The following PAFAH1B1 variants were observed in gnomAD, a reference collection of about 807,000 sequenced individuals.
PAFAH1B1 encodes the protein platelet activating factor acetylhydrolase 1b regulatory subunit 1.
In PAFAH1B1, 2 loss-of-function variants were observed where a neutral mutation model predicts 57.5. That is an observed-to-expected ratio of 0.03 (90% CI 0.01 to 0.11). PAFAH1B1 has a LOEUF of 0.11. Among genes scored for constraint, PAFAH1B1 ranks in the 10% least tolerant of loss-of-function variants. The pLI is 1.00. For synonymous variants in PAFAH1B1, 152 were observed against 169.6 expected (o/e 0.90, Z 0.81); for missense variants, 257 against 512.0 (o/e 0.50, Z 4.81).
Position 2,603,886 on chromosome 17 carries a change from C to T in PAFAH1B1, c.-191+9880C>T, listed in dbSNP as rs562759613. Among the ~76,000 whole-genome samples the T allele has an allele frequency of 6.7e-5, 10 of 149,838 alleles. No individual in the cohort carries two copies. In the South Asian group the frequency reaches 8.5e-4, roughly 13 times the overall value. ...CTGAGTAGCTGGGATTACAGGCATG[C>T]GCAACCACGCGCGGCTAATTTTTGT... On this transcript the variant is annotated intron_variant, in intron 1 of 10. Transcript: ENST00000397195.
intron 2 of PAFAH1B1, chr17:2,640,823 T>C (rs2068686155): frequency 6.6e-6 from 1 of 152,218 alleles, no homozygotes; most frequent in African/African-American, 2.4e-5. Context: ...GAGTTGGATT[T>C]AGAGAGACAT....
rs75472729 is a variant in PAFAH1B1 at position 2,685,096 on chromosome 17, G to T, written c.*3294G>T. ...AGTCCAGTGTGTTCATCTAGATGAC[G>T]CAAAGAATCTCCTGGTAGAGAAGCG... On this transcript the variant is annotated 3_prime_UTR_variant, in exon 11 of 11. Transcript: ENST00000397195. 1 of 147,938 alleles carries T rather than the reference G, an allele frequency of 6.8e-6. No individual in the cohort carries two copies. The highest frequency in any genetic ancestry group is 2.5e-5 in the African/African-American group (1 of 39,950). The allele number at this position is 147,938 out of a possible 1,614,324, so 9.2% of individuals were successfully genotyped here.
upstream of PAFAH1B1, chr17:2,593,625 C>T (rs1567518887): frequency 4.5e-6 from 1 of 220,326 alleles, no homozygotes. Flanking sequence ...GGCGCGGTGA[C>T]GTCAGGGCGT....
At chr17:2,601,216 C>A (rs764524451) in intron 1 of PAFAH1B1, among the ~76,000 whole-genome samples, 1 of 151,962 alleles carries the variant, frequency 6.6e-6, no homozygotes, top group African/African-American at 2.4e-5. Context: ...CTCACTGCAG[C>A]CTCCGCCTTT....
At chr17:2,601,752 A>G (rs552470363) in intron 1 of PAFAH1B1, among the ~76,000 whole-genome samples, 4 of 151,206 alleles carry the variant, frequency 2.6e-5, no homozygotes, top group Admixed American at 2.0e-4. Flanking sequence ...TAATTTTTCT[A>G]TTTTCTGTAA....
intron 2 of PAFAH1B1, among the ~76,000 whole-genome samples, chr17:2,664,665 G>GCGCGCGCTCTCTCT: frequency 2.7e-4 from 23 of 86,022 alleles, no homozygotes; most frequent in Non-Finnish European, 4.2e-4. Context: ...TCTATCTATC[G>GCGCGCGCTCTCTCT]CTCTCTCTCT....
intron 1 of PAFAH1B1, among the ~76,000 whole-genome samples, chr17:2,620,830 C>A (rs1402020039): frequency 6.6e-6 from 1 of 152,178 alleles, no homozygotes; most frequent in African/African-American, 2.4e-5. Flanking sequence ...CCATTGCACT[C>A]CAGCCTGGGT....
At position 2,683,781 on chromosome 17, in the gene PAFAH1B1, C is replaced by T. The variant is rs1277668215; in HGVS notation, c.*1979C>T. 6.6e-6 allele frequency: 1 copy of T among 152,598 alleles called. No homozygotes were observed. Among genetic ancestry groups the T allele is most frequent in the Non-Finnish European group, 1.5e-5 (1 of 68,024 alleles). 9.5% of individuals were successfully genotyped at this position (152,598 alleles called of 1,614,324 possible). A position where few individuals can be genotyped will look rare whatever the true frequency, so the allele number is the denominator to read the frequency against. ...TTCTGACTGGATTTTTCTACAAAAA[C>T]TATGGAAAATATCTTTGTTCTTGTT... On this transcript the variant is annotated 3_prime_UTR_variant, in exon 11 of 11. Coordinates refer to ENST00000397195, the MANE Select transcript of PAFAH1B1 (RefSeq NM_000430.4).
rs2068239179 is a variant in PAFAH1B1, at chr17:2,609,243, C to A, written c.-191+15237C>A. 2.0e-5 allele frequency among the ~76,000 whole-genome samples: 3 copies of A among 152,234 alleles called. No homozygotes were observed. In the South Asian group the frequency reaches 6.2e-4, roughly 32 times the overall value. On this transcript the variant is annotated intron_variant, in intron 1 of 10. Transcript: ENST00000397195. ...GGGGCTGGTCTCAGACTCCTGGGCT[C>A]AAGTGATCCCCCTGCCTCGGCCTGC...
At chr17:2,668,063 G>A (rs1365332080) in intron 5 of PAFAH1B1, among the ~76,000 whole-genome samples, 1 of 151,938 alleles carries the variant, frequency 6.6e-6, no homozygotes, top group Non-Finnish European at 1.5e-5. Flanking sequence ...GGTGGCTCAC[G>A]CCTGTAATCC....
chr17:2,593,903 C>A lies in PAFAH1B1; in HGVS notation c.-294C>A. Reference sequence around the variant, plus strand: ...AGCGCGCCATCCTCCCCCCTCCTTCCCTCCCTCCCTCCTTCCTCCCTCCCC... The same window carrying A: ...AGCGCGCCATCCTCCCCCCTCCTTCACTCCCTCCCTCCTTCCTCCCTCCCC... On this transcript the variant is annotated 5_prime_UTR_variant, in exon 1 of 11. Coordinates refer to ENST00000397195, the MANE Select transcript of PAFAH1B1 (RefSeq NM_000430.4). The A allele has an allele frequency of 3.1e-6, 1 of 319,608 alleles. No homozygotes were observed. Among genetic ancestry groups the A allele is most frequent in the South Asian group, 1.4e-4 (1 of 6,964 alleles). 19.8% of individuals were successfully genotyped at this position (319,608 alleles called of 1,614,324 possible). A position where few individuals can be genotyped will look rare whatever the true frequency, so the allele number is the denominator to read the frequency against.
Position 2,680,285 on chromosome 17 carries a change from C to A in PAFAH1B1, c.1124C>A (p.Thr375Asn), listed in dbSNP as rs2069360884. The A allele has an allele frequency of 1.9e-6, 3 of 1,613,888 alleles. No individual in the cohort carries two copies. Among genetic ancestry groups the A allele is most frequent in the South Asian group, 2.2e-5 (2 of 91,066 alleles). ...TACAAGAACAAGCGATGCATGAAGA[C>A]CCTCAATGCGCATGAACACTTTGTT... ...WDYKNKRCMK[T>N]LNAHEHFVTS... Residue 375 changes from threonine (T) to asparagine (N), a missense_variant, in exon 10 of 11, where the codon ACC becomes AAC. Thr to Asn is a moderately conservative substitution (Grantham distance 65). Transcript: ENST00000397195.
chr17:2,637,138 A>G (rs2068634726), intron 1 of PAFAH1B1, among the ~76,000 whole-genome samples: 1 of 152,176 alleles, frequency 6.6e-6, no homozygotes, highest in Non-Finnish European at 1.5e-5. Flanking sequence ...TCTTCTGTCC[A>G]TGATAGGTTT....
chr17:2,663,138 C>T (rs2069042326), intron 2 of PAFAH1B1, among the ~76,000 whole-genome samples: 1 of 151,820 alleles, frequency 6.6e-6, no homozygotes, highest in African/African-American at 2.4e-5. Context: ...AAGAGCCAAG[C>T]GTGGTGGCGG....
At chr17:2,661,458 G>A (rs2069011739) in intron 2 of PAFAH1B1, among the ~76,000 whole-genome samples, 3 of 152,160 alleles carry the variant, frequency 2.0e-5, no homozygotes, top group Admixed American at 2.0e-4. Flanking sequence ...GTTTGTTGAA[G>A]ATCAGATGTT....
chr17:2,679,612 G>GGAT (rs2069343414), intron 9 of PAFAH1B1: 9 of 75,628 alleles, frequency 1.2e-4, no homozygotes, highest in Admixed American at 8.1e-4. Context: ...GTGGGTGGAT[G>GGAT]GATGGATGAT....
At chr17:2,602,445 A>C (rs941862682) in intron 1 of PAFAH1B1, among the ~76,000 whole-genome samples, 4 of 152,182 alleles carry the variant, frequency 2.6e-5, no homozygotes, top group Non-Finnish European at 5.9e-5. Flanking sequence ...CGTGGGACTC[A>C]ACCTTGACTC....
chr17:2,645,079 T>A (rs1303275173), intron 2 of PAFAH1B1, among the ~76,000 whole-genome samples: 1 of 151,978 alleles, frequency 6.6e-6, no homozygotes, highest in African/African-American at 2.4e-5. Context: ...AAACCCCGTC[T>A]CTACAAAAAA....
In PAFAH1B1 at chr17:2,638,274, G is replaced by T; in HGVS notation, c.-15G>T. ...ACATACCACTATATCAGATAAGCTT[G>T]ACATTACAGCCAAGATGGTGCTGTC... is the stretch of plus-strand genomic sequence containing the variant. On this transcript the variant is annotated 5_prime_UTR_variant, in exon 2 of 11. Transcript: ENST00000397195. 6.2e-7 allele frequency: 1 copy of T among 1,610,738 alleles called. No individual in the cohort carries two copies. The highest frequency in any genetic ancestry group is 8.5e-7 in the Non-Finnish European group (1 of 1,178,124).
Sources: allele counts gnomAD v4.1 joint callset (sites outside exome capture counted in the v4.1 genomes callset), GRCh38; gene constraint gnomAD v4.1.1; transcripts MANE v1.5; gene names NCBI Gene and HGNC (gene_info 2026-07-23, HGNC 2026-07-21).